Variants in ULK4 observed in about 807,000 individuals in gnomAD.
ULK4 encodes inactive serine/threonine-protein kinase ULK4.
ULK4 carries 133 observed loss-of-function variants against 160.6 expected under a neutral mutation model. The ratio of observed to expected loss-of-function variants is 0.83; its 90% CI spans 0.72 to 0.96. The LOEUF (loss-of-function observed/expected upper bound fraction) is 0.96, where lower values mean the gene tolerates loss of function less well. Among genes scored for constraint, ULK4 ranks in the 40% least tolerant of loss-of-function variants. The pLI, the probability that ULK4 is intolerant of heterozygous loss-of-function variation, is 0.00. For synonymous variants in ULK4, 534 were observed against 539.8 expected, an observed-to-expected ratio of 0.99 and a Z score of 0.15; for missense variants, 1,580 against 1,499.5, an observed-to-expected ratio of 1.05 and a Z score of -0.89.
intron 17 of ULK4, among the ~76,000 whole-genome samples, chr3:41,858,961 ATTAC>A (rs1217169103): frequency 1.3e-5 from 2 of 152,172 alleles, no homozygotes; most frequent in Non-Finnish European, 2.9e-5. Context: ...CCACTGGAGT[ATTAC>A]TTGTCTTGCA....
intron 34 of ULK4, among the ~76,000 whole-genome samples, chr3:41,412,407 T>C (rs538503783): frequency 6.6e-6 from 1 of 151,988 alleles, no homozygotes; most frequent in Admixed American, 6.5e-5. Context: ...AGTTTTTTTT[T>C]TTTTTTGGTA....
At chr3:41,942,668 TTAGCTG>T (rs1305878726) in intron 2 of ULK4, among the ~76,000 whole-genome samples, 5 of 151,718 alleles carry the variant, frequency 3.3e-5, no homozygotes, top group African/African-American at 4.8e-5. Flanking sequence ...AACTACAAAA[TTAGCTG>T]GGCATGGAGG....
intron 32 of ULK4, among the ~76,000 whole-genome samples, chr3:41,463,732 T>C (rs187327471): frequency 1.3e-5 from 2 of 152,284 alleles, no homozygotes; most frequent in East Asian, 3.9e-4. Context: ...AATTTAGAAA[T>C]TACCAGGTGC....
intron 21 of ULK4, among the ~76,000 whole-genome samples, chr3:41,763,410 T>C (rs1396951875): frequency 2.0e-5 from 3 of 151,764 alleles, no homozygotes; most frequent in Non-Finnish European, 4.4e-5. Flanking sequence ...GATAACTTAC[T>C]AGCTAAAATA....
chr3:41,249,612 C>T, intron 35 of ULK4, 38 bp from the exon 36 acceptor site: 2 of 1,597,186 alleles, frequency 1.3e-6, no homozygotes, highest in Non-Finnish European at 1.7e-6. Flanking sequence ...GGTCAGCTGA[C>T]CCGTCCCTGA....
At chr3:41,902,280 C>A (rs1280948598) in intron 12 of ULK4, among the ~76,000 whole-genome samples, 1 of 151,920 alleles carries the variant, frequency 6.6e-6, no homozygotes, top group African/African-American at 2.4e-5. Flanking sequence ...AGACAAAAGA[C>A]AAGAAAACAC....
chr3:41,528,811 T>C (rs1278718460), intron 32 of ULK4, among the ~76,000 whole-genome samples: 1 of 152,160 alleles, frequency 6.6e-6, no homozygotes, highest in Non-Finnish European at 1.5e-5. Context: ...CCCACAGCAT[T>C]GAAAAATAAA....
intron 22 of ULK4, among the ~76,000 whole-genome samples, chr3:41,738,082 G>A (rs2038116585): frequency 6.6e-6 from 1 of 151,890 alleles, no homozygotes; most frequent in African/African-American, 2.4e-5. Context: ...ATATGTAGGG[G>A]TGATAATATC....
At chr3:41,594,834 A>C (rs993915734) in intron 31 of ULK4, among the ~76,000 whole-genome samples, 69 of 152,206 alleles carry the variant, frequency 4.5e-4, no homozygotes, top group Non-Finnish European at 6.2e-4. Flanking sequence ...GCACCAGAGC[A>C]GCGCAGCTGA....
intron 35 of ULK4, among the ~76,000 whole-genome samples, chr3:41,388,855 C>T (rs559147645): frequency 1.3e-5 from 2 of 152,086 alleles, no homozygotes; most frequent in Non-Finnish European, 2.9e-5. Flanking sequence ...CTTGGCTATA[C>T]AGGCTCTTTT....
At chr3:41,407,984 C>T (rs1283706195) in intron 34 of ULK4, among the ~76,000 whole-genome samples, 3 of 152,078 alleles carry the variant, frequency 2.0e-5, no homozygotes, top group African/African-American at 7.2e-5. Context: ...ACAAGTTCAT[C>T]AAGGTTGCAG....
intron 21 of ULK4, among the ~76,000 whole-genome samples, chr3:41,758,090 G>A (rs1249683787): frequency 6.6e-6 from 1 of 152,120 alleles, no homozygotes; most frequent in East Asian, 1.9e-4. Context: ...CCTTATAAAA[G>A]AGGCCTGAGT....
chr3:41,478,496 C>T (rs1251219083), intron 32 of ULK4, among the ~76,000 whole-genome samples: 1 of 152,188 alleles, frequency 6.6e-6, no homozygotes, highest in East Asian at 1.9e-4. Context: ...GCAAAGATTA[C>T]TGTGTTGAAT....
chr3:41,548,978 A>T (rs1393884031), intron 32 of ULK4, among the ~76,000 whole-genome samples: 1 of 152,188 alleles, frequency 6.6e-6, no homozygotes, highest in Non-Finnish European at 1.5e-5. Context: ...ACACTGCTGC[A>T]TGAACCCTGA....
At chr3:41,734,682 G>C (rs1378322888) in intron 22 of ULK4, among the ~76,000 whole-genome samples, 2 of 152,186 alleles carry the variant, frequency 1.3e-5, no homozygotes, top group African/African-American at 4.8e-5. Flanking sequence ...CCTATTATGA[G>C]CCCTAAAACT....
intron 32 of ULK4, among the ~76,000 whole-genome samples, chr3:41,468,511 T>C (rs368217068): frequency 6.2e-4 from 94 of 152,104 alleles, no homozygotes; most frequent in African/African-American, 2.1e-3. Context: ...TATAGAAGAA[T>C]AGGAGGTCTT....
intron 35 of ULK4, among the ~76,000 whole-genome samples, chr3:41,253,521 TA>T (rs928747509): frequency 1.1e-4 from 17 of 149,960 alleles, no homozygotes; most frequent in Non-Finnish European, 1.6e-4. Flanking sequence ...AGATGTAATT[TA>T]AAAAAAAACC....
intron 35 of ULK4, among the ~76,000 whole-genome samples, chr3:41,377,605 C>G (rs1221867701): frequency 6.9e-6 from 1 of 144,744 alleles, no homozygotes; most frequent in Non-Finnish European, 1.5e-5. Flanking sequence ...TTTATGCAGC[C>G]AAAAAACACA....
chr3:41,829,352 A>G (rs2041487885), intron 18 of ULK4, among the ~76,000 whole-genome samples: 1 of 146,650 alleles, frequency 6.8e-6, no homozygotes, highest in Non-Finnish European at 1.5e-5. Flanking sequence ...CATCAGAGTG[A>G]ACAGGCAACC....
Sources: allele counts gnomAD v4.1 joint callset (sites outside exome capture counted in the v4.1 genomes callset), GRCh38; gene constraint gnomAD v4.1.1; transcripts MANE v1.5; gene names NCBI Gene and HGNC (gene_info 2026-07-23, HGNC 2026-07-21).